The following ERC1 variants were observed in gnomAD, a reference collection of about 807,000 sequenced individuals.
ERC1 encodes ELKS/RAB6-interacting/CAST family member 1.
ERC1 carries 56 observed loss-of-function variants against 132.0 expected under a neutral mutation model. That is an observed-to-expected ratio of 0.42 (90% CI 0.34 to 0.53). The LOEUF (loss-of-function observed/expected upper bound fraction) is 0.53, where lower values mean the gene tolerates loss of function less well. Among genes scored for constraint, ERC1 ranks in the 20% least tolerant of loss-of-function variants. The pLI is 0.03. For synonymous variants in ERC1, 478 were observed against 476.1 expected, an observed-to-expected ratio of 1.00 and a Z score of -0.05; for missense variants, 1,202 against 1,349.9, an observed-to-expected ratio of 0.89 and a Z score of 1.72.
intron 2 of ERC1, among the ~76,000 whole-genome samples, chr12:1,049,746 TC>T (rs527393739): frequency 6.7e-5 from 9 of 134,260 alleles, no homozygotes; most frequent in Non-Finnish European, 1.3e-4. Context: ...TGTTTTGTGA[TC>T]TTTTTTTTTT....
intron 8 of ERC1, chr12:1,152,399 A>C (rs891173245): frequency 2.0e-5 from 3 of 152,374 alleles, no homozygotes; most frequent in African/African-American, 7.2e-5. Context: ...CTTGATTTTC[A>C]TGTGATTAAC....
intron 7 of ERC1, among the ~76,000 whole-genome samples, chr12:1,138,646 A>G (rs1949587497): frequency 6.6e-6 from 1 of 152,008 alleles, no homozygotes; most frequent in Non-Finnish European, 1.5e-5. Flanking sequence ...TATTACAGGC[A>G]TAGGACAAAA....
intron 17 of ERC1, among the ~76,000 whole-genome samples, chr12:1,426,725 A>G (rs564193038): frequency 3.9e-5 from 6 of 152,290 alleles, no homozygotes; most frequent in African/African-American, 1.4e-4. Context: ...ACATTATCAT[A>G]TCACTGGAAT....
intron 7 of ERC1, among the ~76,000 whole-genome samples, chr12:1,119,976 A>G (rs541552174): frequency 1.3e-5 from 2 of 151,740 alleles, no homozygotes. Context: ...ATGGAGGGAC[A>G]TTTTTTTATT....
intron 12 of ERC1, among the ~76,000 whole-genome samples, chr12:1,221,217 T>G (rs758522566): frequency 5.3e-5 from 8 of 152,174 alleles, no homozygotes; most frequent in Non-Finnish European, 8.8e-5. Context: ...ATTAAATATT[T>G]GTTGAATTAA....
chr12:992,461 T>C (rs142317517), intron 1 of ERC1, among the ~76,000 whole-genome samples: 142 of 152,384 alleles, frequency 9.3e-4, no homozygotes, highest in African/African-American at 3.2e-3. Context: ...CAGTGCTAAA[T>C]TGTTGAAATT....
At chr12:1,276,467 T>A (rs1406175347) in intron 14 of ERC1, among the ~76,000 whole-genome samples, 1 of 152,102 alleles carries the variant, frequency 6.6e-6, no homozygotes, top group Non-Finnish European at 1.5e-5. Context: ...CTCGAACTCC[T>A]GACCTCAGGT....
chr12:1,185,732 T>G (rs998975320), intron 11 of ERC1, among the ~76,000 whole-genome samples: 2 of 91,088 alleles, frequency 2.2e-5, no homozygotes, highest in Admixed American at 1.1e-4. Flanking sequence ...CTCTAGGTTG[T>G]TTTTTTTTTT....
intron 7 of ERC1, among the ~76,000 whole-genome samples, chr12:1,136,040 C>T (rs1168422361): frequency 1.3e-5 from 2 of 152,268 alleles, no homozygotes; most frequent in African/African-American, 2.4e-5. Context: ...AAATAAGGTT[C>T]TTATTCTCTC....
intron 1 of ERC1, among the ~76,000 whole-genome samples, chr12:1,004,401 C>CTTTTTTTTTTTTTT (rs71055118): frequency 6.9e-4 from 66 of 95,020 alleles, no homozygotes; most frequent in African/African-American, 8.3e-4. Context: ...TTTTCTTTCT[C>CTTTTTTTTTTTTTT]TTTTTTTTTT....
At chr12:1,097,903 C>T (rs1195650168) in intron 3 of ERC1, among the ~76,000 whole-genome samples, 5 of 151,880 alleles carry the variant, frequency 3.3e-5, no homozygotes, top group South Asian at 2.1e-4. Context: ...TTGGAAGAGA[C>T]GGGGTTTTGC....
chr12:1,404,860 C>T (rs77642666), intron 16 of ERC1, among the ~76,000 whole-genome samples: 2,991 of 152,140 alleles, frequency 0.02, 53 homozygotes, highest in Non-Finnish European at 0.031. Context: ...TGGGGAGAGC[C>T]GGGCGCAGTG....
intron 12 of ERC1, among the ~76,000 whole-genome samples, chr12:1,219,679 G>A (rs1380986223): frequency 4.3e-5 from 6 of 139,514 alleles, no homozygotes; most frequent in South Asian, 2.2e-4. Context: ...ACTGTTACCC[G>A]GGCTAGAGTA....
At chr12:1,038,618 C>G (rs984259559) in intron 2 of ERC1, among the ~76,000 whole-genome samples, 1 of 152,164 alleles carries the variant, frequency 6.6e-6, no homozygotes. Flanking sequence ...TTCGGCCTCC[C>G]AAAGTGCTAA....
intron 14 of ERC1, among the ~76,000 whole-genome samples, chr12:1,264,160 G>C (rs2077324042): frequency 6.6e-6 from 1 of 152,190 alleles, no homozygotes; most frequent in South Asian, 2.1e-4. Context: ...TCCCAGATAA[G>C]CAGCCTCGGA....
At chr12:1,185,814 G>A (rs1281006077) in intron 11 of ERC1, among the ~76,000 whole-genome samples, 2 of 151,580 alleles carry the variant, frequency 1.3e-5, no homozygotes, top group African/African-American at 2.4e-5. Context: ...TGAGACTTTG[G>A]AAACTGTTTG....
intron 16 of ERC1, among the ~76,000 whole-genome samples, chr12:1,377,634 A>T (rs1336569679): frequency 2.0e-5 from 3 of 152,154 alleles, no homozygotes; most frequent in African/African-American, 7.2e-5. Context: ...TTTGACTTTA[A>T]CCTTTTTTCT....
rs569156821 is a variant in ERC1, at chr12:1,388,528, A to G, written c.2925+16551A>G. ...GGCAGTGACGTGAGACTCCAGAGCC[A>G]GGAGGAGACAGGTCACGGAGAGCCC... On this transcript the variant is annotated intron_variant, in intron 16 of 18. Transcript: ENST00000360905. 7.2e-5 allele frequency among the ~76,000 whole-genome samples: 11 copies of G among 152,238 alleles called. No homozygotes were observed. The East Asian group carries it at 1.9e-3, about 27-fold the overall frequency.
chr12:1,141,933 G>T (rs1949897799), intron 8 of ERC1, 146 bp downstream of exon 8: 2 of 584,302 alleles, frequency 3.4e-6, no homozygotes, highest in Non-Finnish European at 2.8e-6. Flanking sequence ...TCTTGTTGCG[G>T]TAGGTAGATT....
Sources: gnomAD v4.1 joint callset for allele counts (sites outside exome capture counted in the v4.1 genomes callset) on GRCh38, gnomAD v4.1.1 for gene constraint, MANE v1.5 for transcripts, NCBI Gene and HGNC (gene_info 2026-07-23, HGNC 2026-07-21) for gene names.